The following USP13 variants were observed in gnomAD, a reference collection of about 807,000 sequenced individuals.
USP13 encodes the protein ubiquitin carboxyl-terminal hydrolase 13.
A neutral mutation model predicts 107.8 loss-of-function variants in USP13; 68 were observed. The observed-to-expected ratio is 0.63, with a 90% CI of 0.52 to 0.77. The LOEUF (loss-of-function observed/expected upper bound fraction) is 0.77, where lower values mean the gene tolerates loss of function less well. USP13 is among the 30% of genes least tolerant of loss of function. The probability of loss-of-function intolerance (pLI) is 0.00; values close to 1 mark genes in which losing one functional copy is unlikely to be tolerated. For missense variants in USP13, 945 were observed against 1,093.3 expected, an observed-to-expected ratio of 0.86 and a Z score of 1.91; for synonymous variants, 377 against 389.5, an observed-to-expected ratio of 0.97 and a Z score of 0.38.
intron 3 of USP13, 49 bp downstream of exon 3, chr3:179,690,350 A>G (rs767573444): frequency 6.7e-7 from 1 of 1,491,318 alleles, no homozygotes; most frequent in Non-Finnish European, 9.3e-7. Context: ...GTGTGTGTGT[A>G]TATGTGCATA....
At chr3:179,754,923 C>T in intron 15 of USP13, 69 bp downstream of exon 15, 1 of 1,507,924 alleles carries the variant, frequency 6.6e-7, no homozygotes, top group Non-Finnish European at 8.9e-7. Flanking sequence ...TCTCTTTCTT[C>T]CACCACTGTG....
At chr3:179,755,884 G>C (rs1005130239) in intron 15 of USP13, among the ~76,000 whole-genome samples, 2 of 152,200 alleles carry the variant, frequency 1.3e-5, no homozygotes, top group Non-Finnish European at 2.9e-5. Flanking sequence ...GAGTCTAGAA[G>C]GAGCAAGATA....
chr3:179,706,924 T>C lies in USP13; in HGVS notation c.478-10T>C. 1 of 1,605,768 alleles carries C rather than the reference T, an allele frequency of 6.2e-7. No homozygotes were observed. On this transcript the variant is annotated splice_polypyrimidine_tract_variant and intron_variant, in intron 4 of 20. Coordinates refer to ENST00000263966, the MANE Select transcript of USP13 (RefSeq NM_003940.3). Reference sequence around the variant, plus strand: ...TGTTTTTATATATTACATCTGGGTTTGTCTTATAGGTAACAATTGCTTGTG... The same window carrying C: ...TGTTTTTATATATTACATCTGGGTTCGTCTTATAGGTAACAATTGCTTGTG...
At chr3:179,758,011 T>A (rs1231258129) in intron 16 of USP13, among the ~76,000 whole-genome samples, 1 of 152,228 alleles carries the variant, frequency 6.6e-6, no homozygotes, top group Non-Finnish European at 1.5e-5. Flanking sequence ...ATAAATTCTT[T>A]CAACGGTCTA....
chr3:179,755,000 C>CA, intron 15 of USP13, 146 bp downstream of exon 15: 4 of 1,072,028 alleles, frequency 3.7e-6, no homozygotes, highest in Non-Finnish European at 5.2e-6. Context: ...ACCACCGACA[C>CA]AGGAGGGAGG....
At chr3:179,696,282 A>G (rs1712320971) in intron 3 of USP13, among the ~76,000 whole-genome samples, 1 of 151,336 alleles carries the variant, frequency 6.6e-6, no homozygotes, top group African/African-American at 2.4e-5. Flanking sequence ...TAAATACTTA[A>G]CCAAGTTTTT....
At chr3:179,662,936 C>T (rs999577956) in intron 1 of USP13, among the ~76,000 whole-genome samples, 1 of 152,108 alleles carries the variant, frequency 6.6e-6, no homozygotes, top group Admixed American at 6.6e-5. Context: ...TGGTATCATC[C>T]ATTCTACCTC....
chr3:179,728,158 C>T (rs1470407304), intron 8 of USP13, among the ~76,000 whole-genome samples: 35 of 137,630 alleles, frequency 2.5e-4, no homozygotes, highest in African/African-American at 7.3e-4. Flanking sequence ...CGGGCAGAGG[C>T]GCCCCTCACC....
Position 179,727,829 on chromosome 3 carries a change from G to A in USP13, c.1089-2360G>A, listed in dbSNP as rs867155519. Among the ~76,000 whole-genome samples the A allele has an allele frequency of 2.8e-4, 28 of 98,936 alleles. 1 individual carries two copies. Among genetic ancestry groups the A allele is most frequent in the Middle Eastern group, 5.5e-3 (1 of 182 alleles). The allele number at this position is 98,936 out of a possible 152,430, so 64.9% of individuals were successfully genotyped here. A position where few individuals can be genotyped will look rare whatever the true frequency, so the allele number is the denominator to read the frequency against. ...CCCCCACCTCCCTCCCGGACGGGGC[G>A]GCTGGCCGGGCAGAGGGGCTCCTCA... On this transcript the variant is annotated intron_variant, in intron 8 of 20. Transcript: ENST00000263966.
chr3:179,671,770 G>A (rs761200054), intron 1 of USP13, among the ~76,000 whole-genome samples: 9 of 152,022 alleles, frequency 5.9e-5, no homozygotes, highest in Admixed American at 2.0e-4. Flanking sequence ...TTGAGTCGAT[G>A]TTCTAGAAAA....
chr3:179,708,369 CAA>C (rs1712798942), intron 5 of USP13, among the ~76,000 whole-genome samples: 10 of 151,478 alleles, frequency 6.6e-5, no homozygotes, highest in African/African-American at 2.4e-4. Context: ...TGCAGTGGCA[CAA>C]TCTCGGCCCA....
rs754611768 is a variant in USP13, at chr3:179,745,169, T to TTGA, written c.1666_1668dup (p.Asp556dup). Reference sequence around the variant, plus strand: ...CAGGCCTTCTCTGAACCAGAAAATGTTGATGATTTCTGGAGCAGTGCCCTA... The same window carrying TTGA: ...CAGGCCTTCTCTGAACCAGAAAATGTTGATGATGATTTCTGGAGCAGTGCCCTA... On this transcript the variant is annotated inframe_insertion, in exon 13 of 21. Transcript: ENST00000263966. 2 of 1,614,014 alleles carry TTGA rather than the reference T, an allele frequency of 1.2e-6. No individual in the cohort carries two copies. The highest frequency in any genetic ancestry group is 2.2e-5 in the South Asian group (2 of 91,066).
intron 3 of USP13, among the ~76,000 whole-genome samples, chr3:179,696,480 G>A (rs1712332019): frequency 6.6e-6 from 1 of 152,038 alleles, no homozygotes; most frequent in African/African-American, 2.4e-5. Flanking sequence ...ACAGGCGCTG[G>A]CCACCACACC....
At chr3:179,737,175 A>T (rs1714022937) in intron 10 of USP13, among the ~76,000 whole-genome samples, 1 of 152,182 alleles carries the variant, frequency 6.6e-6, no homozygotes, top group Non-Finnish European at 1.5e-5. Flanking sequence ...CAGAAATGAG[A>T]TGTTGGCACA....
chr3:179,680,821 A>ACTTTCTTTCT (rs1560046343), intron 1 of USP13, among the ~76,000 whole-genome samples: 1 of 147,028 alleles, frequency 6.8e-6, no homozygotes. Flanking sequence ...GATTACAGGC[A>ACTTTCTTTCT]TGAGTCACCG....
chr3:179,765,470 T>G (rs1214179901), intron 18 of USP13, among the ~76,000 whole-genome samples: 2 of 152,240 alleles, frequency 1.3e-5, no homozygotes. Context: ...TAGAACTCTT[T>G]TCCAGTGAAT....
chr3:179,743,263 G>A (rs1038503848), intron 12 of USP13, among the ~76,000 whole-genome samples: 6 of 152,090 alleles, frequency 3.9e-5, no homozygotes, highest in Non-Finnish European at 8.8e-5. Flanking sequence ...TGGGTGGGGG[G>A]AAAGGGGAGA....
chr3:179,720,673 T>G (rs1713278885), intron 7 of USP13, among the ~76,000 whole-genome samples: 1 of 152,194 alleles, frequency 6.6e-6, no homozygotes, highest in Non-Finnish European at 1.5e-5. Flanking sequence ...CTGCTCTTCT[T>G]TACACCTCCC....
chr3:179,774,451 G>A (rs1215547378), intron 19 of USP13, among the ~76,000 whole-genome samples: 2 of 152,150 alleles, frequency 1.3e-5, no homozygotes, highest in Admixed American at 6.5e-5. Context: ...TCCTGGTCTC[G>A]CTGGCTTCAG....
Sources: allele counts gnomAD v4.1 joint callset (sites outside exome capture counted in the v4.1 genomes callset), GRCh38; gene constraint gnomAD v4.1.1; transcripts MANE v1.5; gene names NCBI Gene and HGNC (gene_info 2026-07-23, HGNC 2026-07-21).